The following EMSY variants were observed in gnomAD, a reference collection of about 807,000 sequenced individuals.
The protein encoded by EMSY is BRCA2-interacting transcriptional repressor EMSY.
A neutral mutation model predicts 134.6 loss-of-function variants in EMSY; 26 were observed. The ratio of observed to expected loss-of-function variants is 0.19; its 90% CI spans 0.14 to 0.27. The LOEUF is 0.27. Among genes scored for constraint, EMSY ranks in the 10% least tolerant of loss-of-function variants. EMSY has a pLI of 1.00. For synonymous variants in EMSY, 579 were observed against 577.8 expected (o/e 1.00, Z -0.03); for missense variants, 1,305 against 1,611.4 (o/e 0.81, Z 3.26).
At chr11:76,455,267 G>A (rs1332903750) in intron 4 of EMSY, among the ~76,000 whole-genome samples, 1 of 151,962 alleles carries the variant, frequency 6.6e-6, no homozygotes. Context: ...TTACTTCAGT[G>A]TATAATTTTG....
intron 8 of EMSY, among the ~76,000 whole-genome samples, chr11:76,493,216 G>A (rs961163855): frequency 1.3e-5 from 2 of 152,212 alleles, no homozygotes; most frequent in South Asian, 2.1e-4. Context: ...TGGCACTGAC[G>A]TGCCAGCCCC....
exon 8 of EMSY, chr11:76,472,693 G>A: frequency 1.2e-6 from 2 of 1,614,178 alleles, no homozygotes; most frequent in Non-Finnish European, 1.7e-6. Context: ...GAAGCCACCA[G>A]TTGTTATAAC....
chr11:76,472,805 C>T (rs2135365713), exon 8 of EMSY: 1 of 1,614,138 alleles, frequency 6.2e-7, no homozygotes, highest in Non-Finnish European at 8.5e-7. Context: ...GTGGTGTCCT[C>T]TACACCATCT....
At chr11:76,483,786 A>G (rs1218869355) in intron 8 of EMSY, among the ~76,000 whole-genome samples, 1 of 152,200 alleles carries the variant, frequency 6.6e-6, no homozygotes, top group Non-Finnish European at 1.5e-5. Flanking sequence ...TTAGACTCCC[A>G]CACAATAATA....
intron 7 of EMSY, among the ~76,000 whole-genome samples, chr11:76,469,498 G>C (rs563786005): frequency 4.6e-5 from 7 of 152,276 alleles, no homozygotes; most frequent in African/African-American, 1.7e-4. Flanking sequence ...AAAGTATATT[G>C]AAATGCATTT....
chr11:76,527,783 A>G (rs1950896297), intron 13 of EMSY, among the ~76,000 whole-genome samples: 1 of 151,990 alleles, frequency 6.6e-6, no homozygotes, highest in Non-Finnish European at 1.5e-5. Context: ...TAATGAAAAA[A>G]AAAAAGAAAA....
At chr11:76,469,318 T>TA (rs772681042) in intron 7 of EMSY, among the ~76,000 whole-genome samples, 32 of 152,180 alleles carry the variant, frequency 2.1e-4, no homozygotes, top group Non-Finnish European at 2.8e-4. Context: ...TCAAAGTCCT[T>TA]ATAAGCATTG....
intron 11 of EMSY, among the ~76,000 whole-genome samples, chr11:76,521,794 A>T (rs1950647728): frequency 6.6e-6 from 1 of 151,112 alleles, no homozygotes; most frequent in South Asian, 2.1e-4. Flanking sequence ...GTCCAGGCAC[A>T]GTGGCTTACA....
At chr11:76,502,960 T>C (rs184405593) in intron 9 of EMSY, among the ~76,000 whole-genome samples, 4 of 152,224 alleles carry the variant, frequency 2.6e-5, no homozygotes, top group Admixed American at 2.6e-4. Flanking sequence ...TGGAATTTGA[T>C]AGCCATATGG....
Position 76,458,276 on chromosome 11 carries a change from T to C in EMSY, c.339T>C (p.Thr113=), listed in dbSNP as rs574992634. 4 of 1,614,156 alleles carry C rather than the reference T, an allele frequency of 2.5e-6. No individual in the cohort carries two copies. The South Asian group carries it at 3.3e-5, about 13-fold the overall frequency. The change falls in exon 5 of 21, where the codon ACT becomes ACC. Residue 113 remains threonine, a synonymous_variant. Coordinates refer to ENST00000334736, the Ensembl canonical transcript of EMSY. ...GGCTCGTTCCCCAAACCGCCTTTAC[T>C]GTAACAGCTAATGCTGTTGCTAATG...
chr11:76,507,625 A>G (rs1950124443), intron 9 of EMSY, among the ~76,000 whole-genome samples: 1 of 152,160 alleles, frequency 6.6e-6, no homozygotes, highest in African/African-American at 2.4e-5. Flanking sequence ...CAAGATAGTT[A>G]TTTCTCTCAC....
At chr11:76,539,302 G>A (rs1951344686) in intron 16 of EMSY, among the ~76,000 whole-genome samples, 1 of 152,092 alleles carries the variant, frequency 6.6e-6, no homozygotes, top group Admixed American at 6.5e-5. Flanking sequence ...GTGGTTAAAG[G>A]AGAACATAAA....
In EMSY at chr11:76,458,238, C is replaced by T. The variant is rs780003996; in HGVS notation, c.301C>T (p.Pro101Ser). ...GTCCATTGAAGGTCGTCGATTGGTACCACTGATGCCCCGGCTCGTTCCCCA... is the reference window on the plus strand; with the variant it reads ...GTCCATTGAAGGTCGTCGATTGGTATCACTGATGCCCCGGCTCGTTCCCCA... The change falls in exon 5 of 21, where the codon CCA (proline) becomes TCA (serine). Residue 101 changes from proline (P) to serine (S), a missense_variant. Pro to Ser is a moderately conservative substitution (Grantham distance 74). Around this residue, in one of 7 missense-constraint regions of EMSY, gnomAD observed 205 missense variants for 268.6 expected, o/e 0.76. Coordinates refer to ENST00000334736, the Ensembl canonical transcript of EMSY. The T allele has an allele frequency of 1.2e-5, 19 of 1,613,974 alleles. No individual in the cohort carries two copies. The Admixed American group carries it at 2.7e-4, about 23-fold the overall frequency.
chr11:76,539,907 A>G (rs936691443), intron 17 of EMSY, among the ~76,000 whole-genome samples: 3 of 152,232 alleles, frequency 2.0e-5, no homozygotes, highest in Non-Finnish European at 4.4e-5. Context: ...CACTTCAGCT[A>G]TTTTCCAAGG....
chr11:76,494,704 TTCCTTCCTTCCTTCCTTCC>T (rs1166556210), intron 8 of EMSY, among the ~76,000 whole-genome samples: 134 of 105,924 alleles, frequency 1.3e-3, no homozygotes, highest in African/African-American at 2.1e-3. Context: ...CCTTCCTTCC[TTCCTTCCTTCCTTCCTTCC>T]TTCCTTCCTT....
At chr11:76,481,922 TGGGTTCCTGACCTCCATGC>T (rs1157861742) in intron 8 of EMSY, among the ~76,000 whole-genome samples, 1 of 152,130 alleles carries the variant, frequency 6.6e-6, no homozygotes, top group Non-Finnish European at 1.5e-5. Flanking sequence ...CCTCCTCAAG[TGGGTTCCTGACCTCCATGC>T]CTCCTGACTG....
chr11:76,526,766 G>T, intron 13 of EMSY, 131 bp downstream of exon 14: 2 of 887,064 alleles, frequency 2.3e-6, no homozygotes, highest in South Asian at 1.9e-5. Flanking sequence ...ATGTTTGAAT[G>T]TGTTAATTAT....
At position 76,453,515 on chromosome 11, in the gene EMSY, C is replaced by T. The variant is rs1590776149; in HGVS notation, c.245+127C>T. On this transcript the variant is annotated intron_variant, in intron 4 of 20. Transcript: ENST00000334736. The stretch of plus-strand genomic sequence containing the variant: ...AACAATATCTCTATACTCAGGGATC[C>T]TGATCATAGCAGTAAAAGTGATATT... The T allele has an allele frequency of 3.9e-6, 3 of 773,620 alleles. No individual in the cohort carries two copies. The East Asian group carries it at 8.8e-5, about 23-fold the overall frequency. 47.9% of individuals were successfully genotyped at this position (773,620 alleles called of 1,614,324 possible).
At chr11:76,449,470 C>T (rs2134745864) in intron 2 of EMSY, among the ~76,000 whole-genome samples, 1 of 152,296 alleles carries the variant, frequency 6.6e-6, no homozygotes, top group African/African-American at 2.4e-5. Context: ...ATTTTATTTT[C>T]TCTGAAGTAA....
Sources: gnomAD v4.1 joint callset for allele counts (sites outside exome capture counted in the v4.1 genomes callset) on GRCh38, gnomAD v4.1.1 for gene constraint, gnomAD v4.1.1 regional missense constraint, MANE v1.5 for transcripts, NCBI Gene and HGNC (gene_info 2026-07-23, HGNC 2026-07-21) for gene names.